Variants in ADGRA2 observed in about 807,000 individuals in gnomAD.
ADGRA2 encodes adhesion G protein-coupled receptor A2.
A neutral mutation model predicts 98.7 loss-of-function variants in ADGRA2; 61 were observed. That is an observed-to-expected ratio of 0.62 (90% CI 0.50 to 0.76). ADGRA2 has a LOEUF of 0.76. ADGRA2 is among the 30% of genes least tolerant of loss of function. The pLI is 0.00. For synonymous variants in ADGRA2, 858 were observed against 831.5 expected, an observed-to-expected ratio of 1.03 and a Z score of -0.55; for missense variants, 1,712 against 1,860.0, an observed-to-expected ratio of 0.92 and a Z score of 1.46.
rs762977697 is a variant in ADGRA2, at chr8:37,835,586, C to T, written c.1866C>T (p.Pro622=). 11 of 1,613,494 alleles carry T rather than the reference C, an allele frequency of 6.8e-6. No individual in the cohort carries two copies. Among genetic ancestry groups the T allele is most frequent in the Non-Finnish European group, 9.3e-6 (11 of 1,179,580 alleles). The part of the protein sequence containing the change: ...NSVALASIQL[P]PSLFSSLPAA... The stretch of plus-strand genomic sequence containing the variant: ...TGGCCCTGGCCTCCATCCAGCTGCC[C>T]CCGAGTCTATTCTCATCCCTTCCGG... The change falls in exon 13 of 19, where the codon CCC becomes CCT. Residue 622 remains proline (P), a synonymous_variant. Transcript: ENST00000412232.
chr8:37,832,419 C>T (rs968002000), intron 8 of ADGRA2, among the ~76,000 whole-genome samples: 1 of 152,104 alleles, frequency 6.6e-6, no homozygotes, highest in Non-Finnish European at 1.5e-5. Flanking sequence ...TCACTGCAGT[C>T]TCGAATTCCT....
At chr8:37,821,783 C>T (rs1031824914) in intron 2 of ADGRA2, among the ~76,000 whole-genome samples, 20 of 152,188 alleles carry the variant, frequency 1.3e-4, no homozygotes, top group African/African-American at 2.9e-4. Context: ...TAATGAGCCC[C>T]GGGGGCTGGT....
At chr8:37,835,519 C>A (rs756854099) in intron 12 of ADGRA2, 35 bp from the exon 13 acceptor site, 3 of 1,506,038 alleles carry the variant, frequency 2.0e-6, no homozygotes, top group Non-Finnish European at 2.8e-6. Flanking sequence ...TCTAGGGGGT[C>A]CTGGTGTCTC....
chr8:37,841,184 G>A lies in ADGRA2; in HGVS notation c.2846G>A (p.Arg949His). Residue 949 changes from arginine (R) to histidine (H), a missense_variant, in exon 19 of 19, where the codon CGC becomes CAC. By Grantham distance (29) the Arg-to-His change is conservative. Transcript: ENST00000412232. This position sits in a 1 kb window ranked among gnomAD's most constrained non-coding sequence, Gnocchi z 5.0. The part of the protein sequence containing the change: ...TWIYFLCAGL[R>H]LRGPLAQNPK... ...ATCTATTTCCTGTGCGCCGGGCTAC[G>A]CTTACGGGGTCCTCTGGCACAGAAC... The A allele has an allele frequency of 6.2e-7, 1 of 1,613,250 alleles. No homozygotes were observed. Among genetic ancestry groups the A allele is most frequent in the Admixed American group, 1.7e-5 (1 of 60,020 alleles).
At position 37,841,327 on chromosome 8, in the gene ADGRA2, AGC is replaced by A. The variant is rs1473385768; in HGVS notation, c.2995_2996del (p.Arg999SerfsTer11). On this transcript the variant is annotated frameshift_variant, in exon 19 of 19. Transcript: ENST00000412232. LOFTEE classifies it low-confidence loss of function (END_TRUNC). This position sits in a 1 kb window ranked among gnomAD's most constrained non-coding sequence, Gnocchi z 5.0. ...CTCAGGTTCCCTTCTTGCTACTGGG[AGC>A]GCGCGAGTGGGGACGCCCGGGCCCC... Reference protein sequence around the residue: ...SDSGSLLATGSARVGTPGPPE... With the variant: ...SDSGSLLATGXARVGTPGPPE... 2 of 1,606,324 alleles carry A rather than the reference AGC, an allele frequency of 1.2e-6. No individual in the cohort carries two copies. The highest frequency in any genetic ancestry group is 1.7e-6 in the Non-Finnish European group (2 of 1,176,766).
intron 2 of ADGRA2, among the ~76,000 whole-genome samples, chr8:37,824,478 T>A (rs1258518678): frequency 1.3e-5 from 2 of 151,182 alleles, no homozygotes; most frequent in South Asian, 2.1e-4. Context: ...GATGGTATCC[T>A]CTAAGGTGCA....
chr8:37,814,793 G>A lies in ADGRA2; in HGVS notation c.267-103G>A. 1 of 808,478 alleles carries A rather than the reference G, an allele frequency of 1.2e-6. No homozygotes were observed. Among genetic ancestry groups the A allele is most frequent in the East Asian group, 2.5e-5 (1 of 40,746 alleles). 50.1% of individuals were successfully genotyped at this position (808,478 alleles called of 1,614,324 possible). The stretch of plus-strand genomic sequence containing the variant: ...GGCTGCTGCCTCGCACAACTCCAGG[G>A]GGCGCCATTGACAAAGATGCAAGCT... On this transcript the variant is annotated intron_variant, in intron 1 of 18. Transcript: ENST00000412232. This position sits in a 1 kb window ranked among gnomAD's most constrained non-coding sequence, Gnocchi z 4.3.
rs1308303976 is a variant in ADGRA2, at chr8:37,841,473, G to A, written c.3135G>A (p.Leu1045=). 6.2e-7 allele frequency: 1 copy of A among 1,612,838 alleles called. No individual in the cohort carries two copies. The highest frequency in any genetic ancestry group is 8.5e-7 in the Non-Finnish European group (1 of 1,179,860). The change falls in exon 19 of 19, where the codon CTG becomes CTA. Residue 1045 remains leucine, a synonymous_variant. Transcript: ENST00000412232. The surrounding 1 kb of genome is among the most constrained non-coding windows in gnomAD (Gnocchi z 5.0). ...CTCTGGCAGTGTCCCAGCGCTGGCT[G>A]CCCCGGGTGGTGTGCAGCTGCTTGT... ...CGALAVSQRW[L]PRVVCSCLYG...
At chr8:37,838,073 A>G in intron 14 of ADGRA2, 134 bp downstream of exon 14, 1 of 762,362 alleles carries the variant, frequency 1.3e-6, no homozygotes, top group Non-Finnish European at 2.0e-6. Context: ...GGGCCCCATG[A>G]GTGGTGGGAT....
rs767926780 is a variant in ADGRA2 at position 37,835,326 on chromosome 8, A to C, written c.1761A>C (p.Pro587=). The part of the protein sequence containing the change: ...GQNPPPEPEP[P]ADQQLRFRCT... ...ACCCCCCACCTGAGCCCGAGCCCCC[A>C]GCTGACCAGCAGCTCCGCTTCCGCT... Residue 587 remains proline, a synonymous_variant, in exon 12 of 19, where the codon CCA becomes CCC. Transcript: ENST00000412232. The C allele has an allele frequency of 6.2e-6, 10 of 1,613,472 alleles. No individual in the cohort carries two copies. In the African/African-American group the frequency reaches 1.2e-4, roughly 19 times the overall value.
At position 37,834,201 on chromosome 8, in the gene ADGRA2, G is replaced by A; in HGVS notation, c.1608+73G>A. 3.0e-6 allele frequency: 4 copies of A among 1,351,232 alleles called. No homozygotes were observed. Among genetic ancestry groups the A allele is most frequent in the Non-Finnish European group, 3.0e-6 (3 of 989,968 alleles). The allele number at this position is 1,351,232 out of a possible 1,614,324, so 83.7% of individuals were successfully genotyped here. A position where few individuals can be genotyped will look rare whatever the true frequency, so the allele number is the denominator to read the frequency against. On this transcript the variant is annotated intron_variant, in intron 11 of 18. Transcript: ENST00000412232. This position sits in a 1 kb window ranked among gnomAD's most constrained non-coding sequence, Gnocchi z 4.2. The stretch of plus-strand genomic sequence containing the variant: ...GGCGCTCCCTCTCAGGCGTGCACCT[G>A]CCGTGCCCCAGCTAGCAAGAGCAGC...
intron 2 of ADGRA2, among the ~76,000 whole-genome samples, chr8:37,823,154 G>A (rs527442191): frequency 9.5e-4 from 143 of 150,052 alleles, no homozygotes; most frequent in African/African-American, 3.4e-3. Context: ...GCCTCCCAGA[G>A]TGCTGGGATT....
At chr8:37,804,130 C>CACACACACACACACACACACAT (rs1804591138) in intron 1 of ADGRA2, among the ~76,000 whole-genome samples, 24 of 148,694 alleles carry the variant, frequency 1.6e-4, no homozygotes, top group African/African-American at 6.0e-4. Context: ...CACACACACA[C>CACACACACACACACACACACAT]ACACACACAC....
intron 2 of ADGRA2, among the ~76,000 whole-genome samples, chr8:37,821,271 T>G (rs563855915): frequency 6.6e-6 from 1 of 152,168 alleles, no homozygotes; most frequent in Non-Finnish European, 1.5e-5. Context: ...CTATGAGGAA[T>G]TGTTACAGGA....
chr8:37,797,660 G>GGCCT lies in ADGRA2; in HGVS notation c.266+127_266+128insCCTG. On this transcript the variant is annotated intron_variant, in intron 1 of 18. Transcript: ENST00000412232. This position sits in a 1 kb window ranked among gnomAD's most constrained non-coding sequence, Gnocchi z 5.3. ...CTTCAGAGATTTCTGGACAGGCCTG[G>GGCCT]GTTCAGGCCCCCAGAGGGGAAGATT... The GGCCT allele has an allele frequency of 1.1e-6, 1 of 947,852 alleles. No homozygotes were observed. Among genetic ancestry groups the GGCCT allele is most frequent in the Non-Finnish European group, 1.4e-6 (1 of 714,354 alleles). The allele number at this position is 947,852 out of a possible 1,614,324, so 58.7% of individuals were successfully genotyped here.
rs773928182 is a variant in ADGRA2 at position 37,833,165 on chromosome 8, T to G, written c.1253T>G (p.Leu418Arg). ...RWEPGDYSHC[L>R]YTNDITRVLY... ...GAGCCAGGGGACTACTCCCACTGTCTCTACACCAACGACATCACCAGGGTG... is the reference window on the plus strand; with the variant it reads ...GAGCCAGGGGACTACTCCCACTGTCGCTACACCAACGACATCACCAGGGTG... Residue 418 changes from leucine to arginine, a missense_variant, in exon 9 of 19, where the codon CTC (leucine) becomes CGC (arginine). Transcript: ENST00000412232. 3 of 1,613,178 alleles carry G rather than the reference T, an allele frequency of 1.9e-6. No homozygotes were observed. The highest frequency in any genetic ancestry group is 4.5e-5 in the East Asian group (2 of 44,872).
At position 37,841,886 on chromosome 8, in the gene ADGRA2, A is replaced by T; in HGVS notation, c.3548A>T (p.His1183Leu). 1 of 1,534,678 alleles carries T rather than the reference A, an allele frequency of 6.5e-7. No individual in the cohort carries two copies. Among genetic ancestry groups the T allele is most frequent in the South Asian group, 1.2e-5 (1 of 84,042 alleles). Residue 1183 changes from histidine to leucine, a missense_variant, in exon 19 of 19, where the codon CAC becomes CTC. Transcript: ENST00000412232. The surrounding 1 kb of genome is among the most constrained non-coding windows in gnomAD (Gnocchi z 5.0). ...PNNVHHGRRA[H>L]KSRAKGHRAG... ...AACGTGCACCACGGGCGTCGGGCGC[A>T]CAAGAGCCGGGCCAAGGGACACCGC...
At chr8:37,805,021 T>C (rs1189466820) in intron 1 of ADGRA2, among the ~76,000 whole-genome samples, 1 of 152,202 alleles carries the variant, frequency 6.6e-6, no homozygotes, top group Admixed American at 6.5e-5. Flanking sequence ...GTGACCCCTA[T>C]GGGTGTGGCA....
Position 37,830,679 on chromosome 8 carries a change from CG to C in ADGRA2, c.719-28del, listed in dbSNP as rs1563348212. 5.8e-6 allele frequency: 8 copies of C among 1,368,402 alleles called. No individual in the cohort carries two copies. Among genetic ancestry groups the C allele is most frequent in the Non-Finnish European group, 8.0e-6 (8 of 1,004,518 alleles). The allele number at this position is 1,368,402 out of a possible 1,614,324, so 84.8% of individuals were successfully genotyped here. On this transcript the variant is annotated intron_variant, in intron 6 of 18. Coordinates refer to ENST00000412232, the MANE Select transcript of ADGRA2 (RefSeq NM_032777.10). This position sits in a 1 kb window ranked among gnomAD's most constrained non-coding sequence, Gnocchi z 4.8. ...GTGCAGCCTCACATGCGTGTGCACT[CG>C]GGCCTCACGCCTGGTGTCTCCTCCC...
Sources: gnomAD v4.1 joint callset for allele counts (sites outside exome capture counted in the v4.1 genomes callset) on GRCh38, gnomAD v4.1.1 for gene constraint, Gnocchi (gnomAD v3.1) non-coding constraint, MANE v1.5 for transcripts, NCBI Gene and HGNC (gene_info 2026-07-23, HGNC 2026-07-21) for gene names.